Variants in ANKRD24 observed in about 807,000 individuals in gnomAD.
ANKRD24 encodes the protein ankyrin repeat domain 24, also known as ankyrin repeat domain-containing protein 24.
ANKRD24 carries 109 observed loss-of-function variants against 127.8 expected under a neutral mutation model. The observed-to-expected ratio is 0.85, with a 90% CI of 0.73 to 1.00. ANKRD24 has a LOEUF of 1.00. Ranked by LOEUF, ANKRD24 falls within the 50% of genes least tolerant of loss-of-function variation. The pLI, the probability that ANKRD24 is intolerant of heterozygous loss-of-function variation, is 0.00. For synonymous variants in ANKRD24, 743 were observed against 671.1 expected (o/e 1.11, Z -1.66); for missense variants, 1,648 against 1,570.2 (o/e 1.05, Z -0.84).
intron 2 of ANKRD24, among the ~76,000 whole-genome samples, chr19:4,192,968 G>C (rs1054121187): frequency 2.0e-5 from 3 of 150,942 alleles, no homozygotes; most frequent in East Asian, 2.0e-4. Context: ...AAAAATGAGA[G>C]TAAACAGAAT....
In ANKRD24 at chr19:4,216,634, C is replaced by G; in HGVS notation, c.1474C>G (p.Leu492Val). 6.2e-7 allele frequency: 1 copy of G among 1,608,718 alleles called. No individual in the cohort carries two copies. The highest frequency in any genetic ancestry group is 8.5e-7 in the Non-Finnish European group (1 of 1,177,698). ...CATCCCTCTTGCCCTCTATGACTCTCTCCGGGCCGAGTTTGACCAGCTACG... is the reference window on the plus strand; with the variant it reads ...CATCCCTCTTGCCCTCTATGACTCTGTCCGGGCCGAGTTTGACCAGCTACG... ...EVIPLALYDSLRAEFDQLRRQ... is the reference protein window; with the variant it reads ...EVIPLALYDSVRAEFDQLRRQ... The change falls in exon 18 of 22, where the codon CTC becomes GTC. Residue 492 changes from leucine (L) to valine (V), a missense_variant. By Grantham distance (32) the Leu-to-Val change is conservative (BLOSUM62 1). Transcript: ENST00000318934.
At chr19:4,193,418 T>C (rs1200816989) in intron 2 of ANKRD24, among the ~76,000 whole-genome samples, 1 of 151,998 alleles carries the variant, frequency 6.6e-6, no homozygotes, top group African/African-American at 2.4e-5. Flanking sequence ...AGCAGCCATG[T>C]GCACGGTGGG....
chr19:4,201,822 G>A (rs967408738), intron 5 of ANKRD24, among the ~76,000 whole-genome samples: 1 of 152,112 alleles, frequency 6.6e-6, no homozygotes, highest in Non-Finnish European at 1.5e-5. Context: ...AGGTGTTCAA[G>A]CCTACAGTGA....
chr19:4,187,132 G>T (rs1968109828), intron 2 of ANKRD24, among the ~76,000 whole-genome samples: 1 of 151,918 alleles, frequency 6.6e-6, no homozygotes, highest in Admixed American at 6.6e-5. Context: ...GAAGGGGAGG[G>T]CTGGGCGTGG....
At chr19:4,196,874 G>A (rs1243522594) in intron 2 of ANKRD24, among the ~76,000 whole-genome samples, 1 of 152,184 alleles carries the variant, frequency 6.6e-6, no homozygotes, top group Non-Finnish European at 1.5e-5. Context: ...ACGCTACAGT[G>A]ACAGAAAGGA....
rs1026283902 is a variant in ANKRD24 at position 4,199,815 on chromosome 19, G to A, written c.123+46G>A. 1.3e-6 allele frequency: 2 copies of A among 1,534,304 alleles called. No homozygotes were observed. The highest frequency in any genetic ancestry group is 2.5e-5 in the East Asian group (1 of 40,712). ...GGTGAGAGCCCGGAGCCCCTGTCGG[G>A]GGCGTGGGGAGGGGACAGCAGCCAA... On this transcript the variant is annotated intron_variant, in intron 3 of 21. Coordinates refer to ENST00000318934, the MANE Select transcript of ANKRD24 (RefSeq NM_001393985.1). This position sits in a 1 kb window ranked among gnomAD's most constrained non-coding sequence, Gnocchi z 5.2.
At chr19:4,207,387 AC>A in intron 8 of ANKRD24, 75 bp downstream of exon 8, 1 of 1,578,706 alleles carries the variant, frequency 6.3e-7, no homozygotes, top group African/African-American at 1.3e-5. Context: ...TATCTCAGGC[AC>A]CCTTTGAAAG....
At chr19:4,211,315 A>G (rs62129277) in intron 13 of ANKRD24, among the ~76,000 whole-genome samples, 26,658 of 151,968 alleles carry the variant, frequency 0.18, 2,631 homozygotes, top group East Asian at 0.34. Flanking sequence ...GAATGGCCAA[A>G]ACCAGGTCTG....
rs747199799 is a variant in ANKRD24, at chr19:4,217,250, T to C, written c.2090T>C (p.Val697Ala). ...GCCACAGGTGTGGAGAACCCAGGGG[T>C]AGAGGCCACGGTCCCGGGGATCTCT... ...VSATGVENPGVEATVPGISAG... is the reference protein window; with the variant it reads ...VSATGVENPGAEATVPGISAG... The change falls in exon 18 of 22, where the codon GTA becomes GCA. Residue 697 changes from valine to alanine, a missense_variant. Transcript: ENST00000318934. 1 of 1,587,654 alleles carries C rather than the reference T, an allele frequency of 6.3e-7. No individual in the cohort carries two copies. The highest frequency in any genetic ancestry group is 1.1e-5 in the South Asian group (1 of 87,654).
rs756543047 is a variant in ANKRD24 at position 4,217,125 on chromosome 19, C to G, written c.1965C>G (p.Tyr655Ter). 3.1e-6 allele frequency: 5 copies of G among 1,613,454 alleles called. No individual in the cohort carries two copies. The African/African-American group carries it at 4.0e-5, about 13-fold the overall frequency. ...CAGAGGAAGCAGAAATGCAGGCCTA[C>G]GGAGTGGGTGCTGGGCAAGCAGAGC... is the stretch of plus-strand genomic sequence containing the variant. The part of the protein sequence containing the change: ...TKAEEAEMQA[Y>*]GVGAGQAEPP... Residue 655 changes from tyrosine (Y) to a stop codon, truncating the protein, a stop_gained, in exon 18 of 22, where the codon TAC becomes TAG. Coordinates refer to ENST00000318934, the MANE Select transcript of ANKRD24 (RefSeq NM_001393985.1). LOFTEE classifies it high-confidence loss of function.
chr19:4,197,284 CTGAT>C (rs555398327), intron 2 of ANKRD24, among the ~76,000 whole-genome samples: 21 of 151,992 alleles, frequency 1.4e-4, no homozygotes, highest in East Asian at 1.9e-4. Context: ...GAACGAATGA[CTGAT>C]TGAATGAATG....
rs142230085 is a variant in ANKRD24, at chr19:4,195,225, A to T, written c.37-4458A>T. On this transcript the variant is annotated intron_variant, in intron 2 of 21. Coordinates refer to ENST00000318934, the MANE Select transcript of ANKRD24 (RefSeq NM_001393985.1). The surrounding 1 kb of genome is among the most constrained non-coding windows in gnomAD (Gnocchi z 4.2). ...GTAGCTGGGACTACAGGCGCCCACC[A>T]CCACGCCCGGCTAATTTTTTGTATT... 1.3e-5 allele frequency among the ~76,000 whole-genome samples: 2 copies of T among 151,770 alleles called. No homozygotes were observed. Among genetic ancestry groups the T allele is most frequent in the African/African-American group, 2.4e-5 (1 of 41,286 alleles).
intron 19 of ANKRD24, among the ~76,000 whole-genome samples, chr19:4,221,948 C>T (rs1325935876): frequency 1.3e-5 from 2 of 152,172 alleles, no homozygotes; most frequent in East Asian, 1.9e-4. Context: ...CCACACAACA[C>T]CCAGTGTCCC....
intron 21 of ANKRD24, 105 bp from the exon 22 acceptor site, chr19:4,224,323 G>A: frequency 1.4e-6 from 2 of 1,430,610 alleles, no homozygotes; most frequent in Admixed American, 3.9e-5. Flanking sequence ...GAGCCCCCCT[G>A]TGTGCATTTC....
chr19:4,183,433 C>T, intron 1 of ANKRD24: 1 of 810,296 alleles, frequency 1.2e-6, no homozygotes, highest in Non-Finnish European at 1.5e-6. Flanking sequence ...AAGGTGGTAC[C>T]ATCTATGCCC....
chr19:4,217,065 G>A lies in ANKRD24; in HGVS notation c.1905G>A (p.Val635=), dbSNP rs772341044. ...AQATDTETTG[V]EAMGVEATKT... ...CCACAGACACAGAGACCACGGGAGT[G>A]GAGGCCATGGGGGTGGAGGCCACAA... Residue 635 remains valine, a synonymous_variant, in exon 18 of 22, where the codon GTG becomes GTA. Transcript: ENST00000318934. 1.9e-6 allele frequency: 3 copies of A among 1,613,798 alleles called. No homozygotes were observed. Among genetic ancestry groups the A allele is most frequent in the Non-Finnish European group, 2.5e-6 (3 of 1,179,878 alleles).
chr19:4,189,623 A>C (rs2192244), intron 2 of ANKRD24, among the ~76,000 whole-genome samples: 21,397 of 151,608 alleles, frequency 0.14, 1,612 homozygotes, highest in African/African-American at 0.16. Flanking sequence ...TGGGCTCAAG[A>C]GATCCTCCCG....
intron 18 of ANKRD24, among the ~76,000 whole-genome samples, chr19:4,218,536 G>A (rs998526796): frequency 6.6e-6 from 1 of 151,950 alleles, no homozygotes; most frequent in Non-Finnish European, 1.5e-5. Flanking sequence ...CTGACCTCAG[G>A]TGATCCACCC....
At chr19:4,221,607 C>T (rs908385081) in intron 19 of ANKRD24, among the ~76,000 whole-genome samples, 32 of 152,198 alleles carry the variant, frequency 2.1e-4, no homozygotes, top group Middle Eastern at 3.4e-3. Context: ...CTCAAAGTCA[C>T]GCAACATGTC....
Sources: allele counts gnomAD v4.1 joint callset (sites outside exome capture counted in the v4.1 genomes callset), GRCh38; gene constraint gnomAD v4.1.1; non-coding constraint Gnocchi (gnomAD v3.1); transcripts MANE v1.5; gene names NCBI Gene and HGNC (gene_info 2026-07-23, HGNC 2026-07-21).